SLIT3: variants seen among roughly 807,000 people sequenced by gnomAD.
The protein encoded by SLIT3 is slit homolog 3 protein.
SLIT3 carries 68 observed loss-of-function variants against 184.0 expected under a neutral mutation model. The ratio of observed to expected loss-of-function variants is 0.37; its 90% CI spans 0.30 to 0.45. The LOEUF (loss-of-function observed/expected upper bound fraction) is 0.45. Among genes scored for constraint, SLIT3 ranks in the 20% least tolerant of loss-of-function variants. SLIT3 has a pLI of 1.00. For synonymous variants in SLIT3, 831 were observed against 828.6 expected, an observed-to-expected ratio of 1.00 and a Z score of -0.05; for missense variants, 1,707 against 2,026.0, an observed-to-expected ratio of 0.84 and a Z score of 3.02.
chr5:169,212,301 T>C (rs1764291976), intron 3 of SLIT3, among the ~76,000 whole-genome samples: 1 of 152,244 alleles, frequency 6.6e-6, no homozygotes, highest in African/African-American at 2.4e-5. Flanking sequence ...GACTTTTTAA[T>C]GATCACCATT....
intron 3 of SLIT3, among the ~76,000 whole-genome samples, chr5:169,221,332 T>C (rs915282405): frequency 6.6e-6 from 1 of 152,194 alleles, no homozygotes; most frequent in Non-Finnish European, 1.5e-5. Flanking sequence ...GGCTCTTTTG[T>C]TTATGCACTG....
chr5:168,704,596 G>A (rs189065396), intron 26 of SLIT3, among the ~76,000 whole-genome samples: 21 of 152,244 alleles, frequency 1.4e-4, no homozygotes, highest in African/African-American at 3.9e-4. Flanking sequence ...ATTAAAAGAC[G>A]ATAATAAAAC....
chr5:168,899,483 C>T (rs1760792755), intron 4 of SLIT3, among the ~76,000 whole-genome samples: 1 of 152,098 alleles, frequency 6.6e-6, no homozygotes, highest in Admixed American at 6.5e-5. Flanking sequence ...CACTGCACTC[C>T]AGCCTGGGTG....
intron 9 of SLIT3, among the ~76,000 whole-genome samples, chr5:168,804,035 G>C (rs1327097591): frequency 6.6e-6 from 1 of 151,748 alleles, no homozygotes; most frequent in Non-Finnish European, 1.5e-5. Flanking sequence ...GGGCGGGCAC[G>C]GTGGCTCATA....
chr5:169,020,731 G>T (rs1485972958), intron 4 of SLIT3, among the ~76,000 whole-genome samples: 1 of 152,212 alleles, frequency 6.6e-6, no homozygotes, highest in African/African-American at 2.4e-5. Context: ...TGGATGGTGG[G>T]TAAAGGGATT....
At chr5:169,193,622 T>TAATC (rs1763636425) in intron 3 of SLIT3, 72 bp from the exon 4 acceptor site, 1 of 1,119,092 alleles carries the variant, frequency 8.9e-7, no homozygotes, top group Non-Finnish European at 1.4e-6. Flanking sequence ...GATACCACTT[T>TAATC]AATCAATCAG....
intron 4 of SLIT3, among the ~76,000 whole-genome samples, chr5:169,106,882 G>A (rs758819201): frequency 1.2e-4 from 19 of 152,242 alleles, no homozygotes; most frequent in South Asian, 6.2e-4. Flanking sequence ...GAGCTGGGGA[G>A]ACAGTAGTAC....
intron 9 of SLIT3, among the ~76,000 whole-genome samples, chr5:168,805,452 A>G (rs531378539): frequency 6.6e-6 from 1 of 152,348 alleles, no homozygotes; most frequent in South Asian, 2.1e-4. Flanking sequence ...GAAGGGCTCC[A>G]TATAATGATC....
intron 4 of SLIT3, among the ~76,000 whole-genome samples, chr5:169,124,861 T>C (rs1017622634): frequency 2.6e-5 from 4 of 152,194 alleles, no homozygotes; most frequent in African/African-American, 9.6e-5. Flanking sequence ...TATTATATCC[T>C]GCCCTCTTCA....
chr5:169,269,891 G>A (rs1315859373), intron 1 of SLIT3, among the ~76,000 whole-genome samples: 1 of 152,194 alleles, frequency 6.6e-6, no homozygotes, highest in African/African-American at 2.4e-5. Context: ...TCCTTTGCAA[G>A]GAGGAAACAA....
chr5:168,953,059 C>A (rs909437275), intron 4 of SLIT3, among the ~76,000 whole-genome samples: 2 of 152,166 alleles, frequency 1.3e-5, no homozygotes, highest in African/African-American at 4.8e-5. Flanking sequence ...GGACCTTGAC[C>A]AGATATCAAG....
At chr5:169,167,527 C>G (rs59810111) in intron 4 of SLIT3, among the ~76,000 whole-genome samples, 3,703 of 152,070 alleles carry the variant, frequency 0.024, 168 homozygotes, top group African/African-American at 0.086. Flanking sequence ...CCGCTTACAT[C>G]GGCCTCCCAA....
At chr5:169,242,875 A>G (rs1277144917) in intron 3 of SLIT3, among the ~76,000 whole-genome samples, 1 of 151,844 alleles carries the variant, frequency 6.6e-6, no homozygotes, top group East Asian at 1.9e-4. Flanking sequence ...TTGCCAAAAT[A>G]TTTCATCGAT....
chr5:168,713,370 C>A (rs1423792870), intron 23 of SLIT3, among the ~76,000 whole-genome samples: 1 of 152,230 alleles, frequency 6.6e-6, no homozygotes, highest in Non-Finnish European at 1.5e-5. Flanking sequence ...GCATGAAAAA[C>A]CTCAATGAAC....
chr5:169,039,552 C>T (rs1339452705), intron 4 of SLIT3, among the ~76,000 whole-genome samples: 1 of 152,030 alleles, frequency 6.6e-6, no homozygotes, highest in Non-Finnish European at 1.5e-5. Context: ...CTCCTGACCT[C>T]GTGATCCACC....
chr5:168,779,101 A>T (rs1367625296), intron 12 of SLIT3, among the ~76,000 whole-genome samples: 3 of 152,346 alleles, frequency 2.0e-5, no homozygotes, highest in African/African-American at 7.2e-5. Context: ...AAGGCCAGGT[A>T]CTCCCATTTA....
chr5:168,754,237 C>T (rs1472621724), intron 16 of SLIT3, among the ~76,000 whole-genome samples: 1 of 152,114 alleles, frequency 6.6e-6, no homozygotes, highest in Non-Finnish European at 1.5e-5. Flanking sequence ...GTGAAACAGA[C>T]TGTATGGTCA....
At chr5:169,191,664 C>CA (rs1191472916) in intron 4 of SLIT3, among the ~76,000 whole-genome samples, 2 of 152,162 alleles carry the variant, frequency 1.3e-5, no homozygotes, top group East Asian at 3.8e-4. Context: ...CTCAAGCTCT[C>CA]AGGACGTGGC....
intron 32 of SLIT3, among the ~76,000 whole-genome samples, chr5:168,675,462 C>T (rs528654809): frequency 6.6e-6 from 1 of 152,282 alleles, no homozygotes; most frequent in South Asian, 2.1e-4. Context: ...CATAACCAAC[C>T]ATAGGAATAG....
Sources: allele counts gnomAD v4.1 joint callset (sites outside exome capture counted in the v4.1 genomes callset), GRCh38; gene constraint gnomAD v4.1.1; transcripts MANE v1.5; gene names NCBI Gene and HGNC (gene_info 2026-07-23, HGNC 2026-07-21).